ARMH4: variants seen among roughly 807,000 people sequenced by gnomAD.
ARMH4 encodes armadillo like helical domain containing 4, also known as armadillo-like helical domain-containing protein 4.
In ARMH4, 49 loss-of-function variants were observed where a neutral mutation model predicts 61.9. The observed-to-expected ratio is 0.79, with a 90% CI of 0.63 to 1.00. The LOEUF (loss-of-function observed/expected upper bound fraction) is 1.00. ARMH4 is among the 50% of genes least tolerant of loss of function. The probability of loss-of-function intolerance (pLI) is 0.00; values close to 1 mark genes in which losing one functional copy is unlikely to be tolerated. For synonymous variants in ARMH4, 368 were observed against 341.5 expected (o/e 1.08, Z -0.85); for missense variants, 934 against 930.0 (o/e 1.00, Z -0.06).
rs550388116 is a variant in ARMH4 at position 58,081,542 on chromosome 14, C to T, written c.2089+15182G>A. Reference sequence around the variant, plus strand: ...TTTAGACGGAATCTCGCTCTGTCACCTGGGCTGGAGTGCAGTGGTGCTATC... The same window carrying T: ...TTTAGACGGAATCTCGCTCTGTCACTTGGGCTGGAGTGCAGTGGTGCTATC... On this transcript the variant is annotated intron_variant, in intron 5 of 7. Coordinates refer to ENST00000267485, the MANE Select transcript of ARMH4 (RefSeq NM_001001872.4). Among the ~76,000 whole-genome samples the T allele has an allele frequency of 1.6e-3, 236 of 151,234 alleles. 2 individuals carry two copies. The highest frequency in any genetic ancestry group is 5.2e-3 in the African/African-American group (214 of 41,158).
intron 5 of ARMH4, among the ~76,000 whole-genome samples, chr14:58,082,689 A>G (rs1885264671): frequency 6.6e-6 from 1 of 152,152 alleles, no homozygotes; most frequent in Non-Finnish European, 1.5e-5. Context: ...CCCATGACTC[A>G]TCAGCTCCTG....
Position 58,138,086 on chromosome 14 carries a change from T to A in ARMH4, c.1273A>T (p.Thr425Ser). 6.2e-7 allele frequency: 1 copy of A among 1,614,236 alleles called. No homozygotes were observed. Among genetic ancestry groups the A allele is most frequent in the Non-Finnish European group, 8.5e-7 (1 of 1,180,036 alleles). ...AAAAACAGGGCATCGTTTTCCTTGGTGGATTCCGTGAAGTCTCCCGTACTT... is the reference window on the plus strand; with the variant it reads ...AAAAACAGGGCATCGTTTTCCTTGGAGGATTCCGTGAAGTCTCCCGTACTT... Reference protein sequence around the residue: ...LQSTGDFTESTKENDALFFLE... With the variant: ...LQSTGDFTESSKENDALFFLE... The change falls in exon 2 of 8, where the codon ACC (threonine) becomes TCC (serine). Residue 425 changes from threonine to serine, a missense_variant. Physicochemically the swap from Thr to Ser is moderately conservative, Grantham distance 58 (BLOSUM62 1). Transcript: ENST00000267485.
At chr14:58,117,809 A>C (rs1046864620) in intron 4 of ARMH4, among the ~76,000 whole-genome samples, 1 of 151,956 alleles carries the variant, frequency 6.6e-6, no homozygotes, top group South Asian at 2.1e-4. Flanking sequence ...CCCAAGCTGG[A>C]GTGCAGTGGT....
At chr14:58,036,107 T>G (rs1330805715) in intron 5 of ARMH4, among the ~76,000 whole-genome samples, 3 of 113,938 alleles carry the variant, frequency 2.6e-5, no homozygotes, top group East Asian at 2.3e-4. Context: ...AAAAAGAGAA[T>G]TTTAGACCAA....
intron 5 of ARMH4, among the ~76,000 whole-genome samples, chr14:58,090,589 A>G (rs902080470): frequency 6.6e-6 from 1 of 152,098 alleles, no homozygotes; most frequent in Non-Finnish European, 1.5e-5. Context: ...TTAAGAAAGA[A>G]GTACAGTGGC....
At chr14:58,072,815 T>C (rs954000719) in intron 5 of ARMH4, among the ~76,000 whole-genome samples, 4 of 152,164 alleles carry the variant, frequency 2.6e-5, no homozygotes, top group African/African-American at 9.7e-5. Context: ...ATCTTTTAAT[T>C]TGCTGATGGT....
chr14:58,005,288 C>A, intron 6 of ARMH4, 106 bp from the exon 7 acceptor site: 1 of 1,406,754 alleles, frequency 7.1e-7, no homozygotes, highest in South Asian at 1.3e-5. Flanking sequence ...TTGAATTCTC[C>A]TGTCTGCTTT....
chr14:58,051,540 C>T (rs142379044), intron 5 of ARMH4, among the ~76,000 whole-genome samples: 86 of 152,310 alleles, frequency 5.6e-4, no homozygotes, highest in African/African-American at 1.9e-3. Flanking sequence ...AAAATAAGTA[C>T]TTGCACTTGA....
intron 5 of ARMH4, among the ~76,000 whole-genome samples, chr14:58,083,932 G>A (rs1398078178): frequency 6.6e-6 from 1 of 152,106 alleles, no homozygotes; most frequent in Non-Finnish European, 1.5e-5. Context: ...TCTCTGACAT[G>A]TTCACTTTAA....
intron 5 of ARMH4, among the ~76,000 whole-genome samples, chr14:58,014,957 T>C (rs1882551897): frequency 6.6e-6 from 1 of 152,146 alleles, no homozygotes; most frequent in South Asian, 2.1e-4. Flanking sequence ...AATGTTAATA[T>C]GAGCACCTAG....
chr14:58,049,351 T>A (rs748455573), intron 5 of ARMH4, among the ~76,000 whole-genome samples: 14 of 152,174 alleles, frequency 9.2e-5, no homozygotes, highest in Non-Finnish European at 1.3e-4. Flanking sequence ...AATCATAGAT[T>A]CTCAATTGCA....
chr14:58,048,245 C>G (rs1017332384), intron 5 of ARMH4, among the ~76,000 whole-genome samples: 2 of 152,188 alleles, frequency 1.3e-5, no homozygotes, highest in Admixed American at 6.5e-5. Context: ...ACAACTGCAT[C>G]TTTTATCTTC....
At chr14:58,027,421 A>G (rs1883058400) in intron 5 of ARMH4, among the ~76,000 whole-genome samples, 1 of 152,186 alleles carries the variant, frequency 6.6e-6, no homozygotes, top group Admixed American at 6.5e-5. Context: ...AATTTAGAAC[A>G]TAAGATCTAT....
intron 4 of ARMH4, among the ~76,000 whole-genome samples, chr14:58,105,601 C>T (rs773414016): frequency 9.2e-5 from 14 of 151,564 alleles, no homozygotes; most frequent in Non-Finnish European, 1.8e-4. Context: ...GCAGGAGAAT[C>T]GCTTGAACCC....
chr14:58,148,846 TACACACACACACACACACACAC>T (rs138826141), intron 1 of ARMH4, among the ~76,000 whole-genome samples: 1 of 145,720 alleles, frequency 6.9e-6, no homozygotes, highest in African/African-American at 2.5e-5. Context: ...CAGAGTTTAT[TACACACACACACACACACACAC>T]ACACACACAC....
chr14:58,093,211 AATC>A (rs1225835888), intron 5 of ARMH4, among the ~76,000 whole-genome samples: 1 of 152,132 alleles, frequency 6.6e-6, no homozygotes, highest in Non-Finnish European at 1.5e-5. Context: ...TGAGTCAATT[AATC>A]CTCTTTCCTT....
intron 4 of ARMH4, among the ~76,000 whole-genome samples, chr14:58,105,090 A>T (rs1886126953): frequency 6.6e-6 from 1 of 152,242 alleles, no homozygotes; most frequent in Admixed American, 6.5e-5. Flanking sequence ...TAATGATGTC[A>T]TGAACATCTC....
chr14:58,110,301 A>G (rs1886311929), intron 4 of ARMH4, among the ~76,000 whole-genome samples: 1 of 144,118 alleles, frequency 6.9e-6, no homozygotes, highest in South Asian at 2.1e-4. Context: ...TCTAACTAAC[A>G]TATGCATTAC....
At chr14:58,068,332 A>G (rs1884770619) in intron 5 of ARMH4, among the ~76,000 whole-genome samples, 1 of 152,080 alleles carries the variant, frequency 6.6e-6, no homozygotes, top group African/African-American at 2.4e-5. Context: ...ATTGATCACT[A>G]TTCAATGACT....
Sources: gnomAD v4.1 joint callset for allele counts (sites outside exome capture counted in the v4.1 genomes callset) on GRCh38, gnomAD v4.1.1 for gene constraint, MANE v1.5 for transcripts, NCBI Gene and HGNC (gene_info 2026-07-23, HGNC 2026-07-21) for gene names.